The following NCAPD3 variants were observed in gnomAD, a reference collection of about 807,000 sequenced individuals.
NCAPD3 encodes non-SMC condensin II complex subunit D3.
Under a neutral mutation model 182.9 loss-of-function variants are expected in NCAPD3, and 105 were observed. The observed-to-expected ratio is 0.57, with a 90% CI of 0.49 to 0.68. NCAPD3 has a LOEUF of 0.68. NCAPD3 is among the 30% of genes least tolerant of loss of function. NCAPD3 has a pLI of 0.00. For synonymous variants in NCAPD3, 815 were observed against 679.9 expected, an observed-to-expected ratio of 1.20 and a Z score of -3.09; for missense variants, 1,944 against 1,837.0, an observed-to-expected ratio of 1.06 and a Z score of -1.07.
intron 27 of NCAPD3, 142 bp from the exon 28 acceptor site, chr11:134,162,033 G>A (rs972682323): frequency 1.8e-6 from 1 of 557,320 alleles, no homozygotes. Context: ...TGGATGTAGA[G>A]GACCTCTGCT....
In NCAPD3 at chr11:134,161,801, C is replaced by T. The variant is rs960929446; in HGVS notation, c.3664G>A (p.Glu1222Lys). Residue 1222 changes from glutamate to lysine, a missense_variant, in exon 28 of 35, where the codon GAA becomes AAA. This residue lies in a region of NCAPD3 where 1,803 missense variants were observed against 1,674.6 expected (regional missense o/e 1.08). Coordinates refer to ENST00000534548, the MANE Select transcript of NCAPD3 (RefSeq NM_015261.3). ...CTTACCCTGAGATAGTGCATGAGTT[C>T]CCGCAAAGCTGGGATCTTATTTTTC... Reference protein sequence around the residue: ...LEKNKIPALRELMHYLREVMQ... With the variant: ...LEKNKIPALRKLMHYLREVMQ... The T allele has an allele frequency of 4.4e-6, 7 of 1,577,440 alleles. No individual in the cohort carries two copies. Among genetic ancestry groups the T allele is most frequent in the Non-Finnish European group, 6.1e-6 (7 of 1,150,368 alleles).
rs201548932 is a variant in NCAPD3, at chr11:134,184,722, T to C, written c.2366A>G (p.Gln789Arg). The C allele has an allele frequency of 6.2e-7, 1 of 1,613,752 alleles. No homozygotes were observed. The highest frequency in any genetic ancestry group is 8.5e-7 in the Non-Finnish European group (1 of 1,179,930). Residue 789 changes from glutamine to arginine, a missense_variant, in exon 19 of 35, where the codon CAG (glutamine) becomes CGG (arginine). Transcript: ENST00000534548. ...DAVKCKLNGF[Q>R]WSLEVISSAV... is the part of the protein sequence containing the mutation. ...TGAACTGATCACCTCTAGAGACCAC[T>C]GAAATCCATTCAGCTTACACTTGAC...
In NCAPD3 at chr11:134,205,812, A is replaced by G. The variant is rs577276982; in HGVS notation, c.1016+787T>C. On this transcript the variant is annotated intron_variant, in intron 8 of 34. Coordinates refer to ENST00000534548, the MANE Select transcript of NCAPD3 (RefSeq NM_015261.3). ...AACGAAACGATCGTGTTTTCACTTA[A>G]AACATTTTAGTTACTTAATGTTTTA... 3.9e-5 allele frequency among the ~76,000 whole-genome samples: 6 copies of G among 152,354 alleles called. No homozygotes were observed. In the South Asian group the frequency reaches 1.2e-3, roughly 32 times the overall value.
At chr11:134,199,588 C>T (rs527473943) in intron 13 of NCAPD3, among the ~76,000 whole-genome samples, 4 of 152,280 alleles carry the variant, frequency 2.6e-5, no homozygotes, top group African/African-American at 9.6e-5. Flanking sequence ...AGTAGCTCCC[C>T]GTCAGCCACC....
intron 1 of NCAPD3, among the ~76,000 whole-genome samples, chr11:134,222,172 A>G (rs1285682990): frequency 6.6e-6 from 1 of 152,206 alleles, no homozygotes; most frequent in Non-Finnish European, 1.5e-5. Context: ...TTCCCTCAGT[A>G]TCTTTACACT....
intron 13 of NCAPD3, among the ~76,000 whole-genome samples, chr11:134,196,340 C>T (rs1411107751): frequency 3.3e-5 from 5 of 152,014 alleles, no homozygotes; most frequent in Non-Finnish European, 7.4e-5. Flanking sequence ...ATACCTGTAA[C>T]GAGTAAAGAA....
At chr11:134,153,906 C>G in intron 32 of NCAPD3, 1 of 164,320 alleles carries the variant, frequency 6.1e-6, no homozygotes, top group East Asian at 1.7e-4. Flanking sequence ...ACACTGGGAG[C>G]GGCTCAGTCC....
chr11:134,185,028 G>C, intron 17 of NCAPD3, 28 bp from the exon 18 acceptor site: 1 of 1,535,040 alleles, frequency 6.5e-7, no homozygotes, highest in Non-Finnish European at 9.0e-7. Flanking sequence ...GGAATATGAA[G>C]GGAGAAGCAA....
intron 32 of NCAPD3, among the ~76,000 whole-genome samples, chr11:134,156,614 C>T (rs535184901): frequency 1.3e-5 from 2 of 152,178 alleles, no homozygotes; most frequent in Non-Finnish European, 2.9e-5. Context: ...AGTTGCAGAG[C>T]GTGCATGGTA....
chr11:134,163,021 C>A (rs926296691), intron 27 of NCAPD3, among the ~76,000 whole-genome samples: 2 of 151,876 alleles, frequency 1.3e-5, no homozygotes, highest in African/African-American at 4.8e-5. Flanking sequence ...CAAGAGCACA[C>A]GAGTAGGGGG....
At chr11:134,179,993 G>C (rs1944259691) in intron 20 of NCAPD3, among the ~76,000 whole-genome samples, 1 of 151,862 alleles carries the variant, frequency 6.6e-6, no homozygotes, top group South Asian at 2.1e-4. Flanking sequence ...TGACTGAAGA[G>C]TAGATTTTGA....
intron 5 of NCAPD3, 25 bp downstream of exon 5, chr11:134,209,288 T>A (rs532803394): frequency 1.5e-5 from 24 of 1,609,514 alleles, no homozygotes; most frequent in Non-Finnish European, 1.8e-5. Flanking sequence ...GAAGTTGCCC[T>A]AAGGTTCCTG....
chr11:134,190,955 G>A (rs1054634562), intron 16 of NCAPD3, among the ~76,000 whole-genome samples: 2 of 152,166 alleles, frequency 1.3e-5, no homozygotes, highest in Admixed American at 6.5e-5. Context: ...TCGACTACTT[G>A]CTTCGCTTGA....
Position 134,176,327 on chromosome 11 carries a change from A to G in NCAPD3, c.3081T>C (p.Asp1027=). 6.2e-7 allele frequency: 1 copy of G among 1,614,116 alleles called. No individual in the cohort carries two copies. Among genetic ancestry groups the G allele is most frequent in the Non-Finnish European group, 8.5e-7 (1 of 1,179,974 alleles). ...TTTACCTGGCAATGTCTGGGTGTGA[A>G]TCGATCAGAGTGCTGACAAATCGGA... ...LFFRFVSTLI[D]SHPDIASFGE... Residue 1027 remains aspartate (D), a synonymous_variant, in exon 24 of 35, where the codon GAT becomes GAC. Coordinates refer to ENST00000534548, the MANE Select transcript of NCAPD3 (RefSeq NM_015261.3).
chr11:134,183,504 G>A (rs1944339709), intron 19 of NCAPD3, among the ~76,000 whole-genome samples: 1 of 152,178 alleles, frequency 6.6e-6, no homozygotes, highest in Admixed American at 6.5e-5. Context: ...GGAGGCGGAG[G>A]TTACAGTGAG....
chr11:134,152,740 C>T lies in NCAPD3; in HGVS notation c.*204G>A, dbSNP rs921186452. 116 of 464,630 alleles carry T rather than the reference C, an allele frequency of 2.5e-4. No individual in the cohort carries two copies. Among genetic ancestry groups the T allele is most frequent in the South Asian group, 1.8e-4 (3 of 16,746 alleles). The allele number at this position is 464,630 out of a possible 1,614,324, so 28.8% of individuals were successfully genotyped here. A position where few individuals can be genotyped will look rare whatever the true frequency, so the allele number is the denominator to read the frequency against. ...AGGGTAAGAAAATCTAAATCTGGCACATCTCTATTATTTGACAGTGTTTAA... is the reference window on the plus strand; with the variant it reads ...AGGGTAAGAAAATCTAAATCTGGCATATCTCTATTATTTGACAGTGTTTAA... On this transcript the variant is annotated 3_prime_UTR_variant, in exon 35 of 35. Transcript: ENST00000534548.
intron 13 of NCAPD3, among the ~76,000 whole-genome samples, chr11:134,202,566 A>G (rs1244787242): frequency 6.6e-6 from 1 of 151,850 alleles, no homozygotes; most frequent in Non-Finnish European, 1.5e-5. Context: ...ATTTTTTAAG[A>G]GATGGGGTCT....
In NCAPD3 at chr11:134,220,501, A is replaced by G. The variant is rs935337635; in HGVS notation, c.219+71T>C. On this transcript the variant is annotated intron_variant, in intron 2 of 34. Transcript: ENST00000534548. ...CTGTACACCAAGAAAGCTAAGCTTC[A>G]GATTATAATAATGACTTTCATCTTC... 4 of 1,442,364 alleles carry G rather than the reference A, an allele frequency of 2.8e-6. No homozygotes were observed. The African/African-American group carries it at 4.2e-5, about 15-fold the overall frequency. 89.3% of individuals were successfully genotyped at this position (1,442,364 alleles called of 1,614,324 possible). A position where few individuals can be genotyped will look rare whatever the true frequency, so the allele number is the denominator to read the frequency against.
chr11:134,220,478 G>A lies in NCAPD3; in HGVS notation c.219+94C>T, dbSNP rs1435357755. 4.9e-5 allele frequency: 61 copies of A among 1,251,928 alleles called. 1 individual carries two copies. The East Asian group carries it at 1.4e-3, about 29-fold the overall frequency. 77.6% of individuals were successfully genotyped at this position (1,251,928 alleles called of 1,614,324 possible). On this transcript the variant is annotated intron_variant, in intron 2 of 34. Coordinates refer to ENST00000534548, the MANE Select transcript of NCAPD3 (RefSeq NM_015261.3). The stretch of plus-strand genomic sequence containing the variant: ...ACTCATATTGTACTCCCTGTGAACT[G>A]TACACCAAGAAAGCTAAGCTTCAGA...
Sources: allele counts gnomAD v4.1 joint callset (sites outside exome capture counted in the v4.1 genomes callset), GRCh38; gene constraint gnomAD v4.1.1; regional missense constraint gnomAD v4.1.1; transcripts MANE v1.5; gene names NCBI Gene and HGNC (gene_info 2026-07-23, HGNC 2026-07-21).